Variants in ERG observed in about 807,000 individuals in gnomAD.
The protein encoded by ERG is ETS transcription factor ERG.
A neutral mutation model predicts 55.3 loss-of-function variants in ERG; 9 were observed. That is an observed-to-expected ratio of 0.16 (90% CI 0.10 to 0.28). The LOEUF is 0.28. Ranked by LOEUF, ERG falls within the 10% of genes least tolerant of loss-of-function variation. The probability of loss-of-function intolerance (pLI) is 1.00; values close to 1 mark genes in which losing one functional copy is unlikely to be tolerated. For synonymous variants in ERG, 223 were observed against 237.3 expected (o/e 0.94, Z 0.55); for missense variants, 434 against 631.6 (o/e 0.69, Z 3.35).
chr21:38,430,962 A>AT (rs773428227), intron 2 of ERG, among the ~76,000 whole-genome samples: 5 of 128,444 alleles, frequency 3.9e-5, no homozygotes, highest in Admixed American at 1.5e-4. Context: ...CATGATGGAA[A>AT]TAAAAAAAAC....
At chr21:38,394,830 C>T (rs564581974) in intron 6 of ERG, among the ~76,000 whole-genome samples, 163 of 152,222 alleles carry the variant, frequency 1.1e-3, no homozygotes, top group African/African-American at 3.2e-3. Flanking sequence ...AGATGGATTG[C>T]TTTTACCCAT....
intron 1 of ERG, among the ~76,000 whole-genome samples, chr21:38,592,788 T>C (rs189675782): frequency 3.5e-4 from 54 of 152,326 alleles, no homozygotes; most frequent in African/African-American, 1.2e-3. Flanking sequence ...AGGGTCTCCA[T>C]GAATCATGTC....
intron 3 of ERG, among the ~76,000 whole-genome samples, chr21:38,412,863 T>C (rs1040057417): frequency 1.3e-5 from 2 of 152,202 alleles, no homozygotes; most frequent in Non-Finnish European, 2.9e-5. Flanking sequence ...AGCGGGTCTC[T>C]ATCTGCAGGA....
chr21:38,442,301 G>C (rs867764275), intron 2 of ERG, among the ~76,000 whole-genome samples: 15 of 152,026 alleles, frequency 9.9e-5, no homozygotes, highest in Middle Eastern at 3.4e-3. Context: ...GGCTGAGGCA[G>C]GGGAGTCGCT....
Position 38,380,317 on chromosome 21 carries a change from G to A in ERG, c.*3086C>T. Reference sequence around the variant, plus strand: ...TTGCAGGTGCCACATCTGTGCAGAAGGCTTAGGAGAAGCAGTGAGCCTTCT... The same window carrying A: ...TTGCAGGTGCCACATCTGTGCAGAAAGCTTAGGAGAAGCAGTGAGCCTTCT... On this transcript the variant is annotated 3_prime_UTR_variant, in exon 10 of 10. Transcript: ENST00000288319. The A allele has an allele frequency of 9.5e-7, 1 of 1,056,342 alleles. No homozygotes were observed. The highest frequency in any genetic ancestry group is 1.1e-6 in the Non-Finnish European group (1 of 873,660). The allele number at this position is 1,056,342 out of a possible 1,614,324, so 65.4% of individuals were successfully genotyped here.
chr21:38,569,194 A>C (rs1199649064), intron 2 of ERG, among the ~76,000 whole-genome samples: 1 of 152,078 alleles, frequency 6.6e-6, no homozygotes, highest in Non-Finnish European at 1.5e-5. Context: ...AGTGGGGTAC[A>C]TGGAAGGTTT....
At chr21:38,453,133 A>G (rs997749318) in intron 1 of ERG, among the ~76,000 whole-genome samples, 3 of 152,248 alleles carry the variant, frequency 2.0e-5, no homozygotes. Context: ...GCCATTGGCA[A>G]TATGTCTGCA....
At chr21:38,427,357 G>A (rs537337183) in intron 2 of ERG, among the ~76,000 whole-genome samples, 95 of 152,350 alleles carry the variant, frequency 6.2e-4, no homozygotes, top group Admixed American at 2.3e-3. Context: ...TTACAGGCGT[G>A]AGCCACTTCA....
Position 38,596,056 on chromosome 21 carries a change from T to TA in ERG, c.-149-11112_-149-11111insT, listed in dbSNP as rs1491300215. 1.4e-3 allele frequency among the ~76,000 whole-genome samples: 148 copies of TA among 102,156 alleles called. 3 individuals carry two copies. Among genetic ancestry groups the TA allele is most frequent in the African/African-American group, 3.3e-3 (89 of 26,826 alleles). 67.0% of individuals were successfully genotyped at this position (102,156 alleles called of 152,430 possible). A position where few individuals can be genotyped will look rare whatever the true frequency, so the allele number is the denominator to read the frequency against. ...CTCTATATAAAAATTGGTGTGGGAT[T>TA]GGGGGGGGGGGGTCTCTTTTTATAA... On this transcript the variant is annotated intron_variant, in intron 1 of 10. Transcript: ENST00000398910.
chr21:38,523,740 C>T lies in ERG; in HGVS notation c.-41+51922G>A, dbSNP rs147689529. 6.1e-3 allele frequency among the ~76,000 whole-genome samples: 928 copies of T among 152,306 alleles called. 4 individuals are homozygous for T. The highest frequency in any genetic ancestry group is 9.7e-3 in the Non-Finnish European group (657 of 68,032). On this transcript the variant is annotated intron_variant, in intron 2 of 8. Transcript: ENST00000398897. ...TGAAAACAATCACTAACAGAAAGAA[C>T]CTGGATCTGGTTTCGAAAACATAAT...
intron 2 of ERG, among the ~76,000 whole-genome samples, chr21:38,563,566 G>C (rs1568915447): frequency 6.6e-6 from 1 of 152,206 alleles, no homozygotes; most frequent in Non-Finnish European, 1.5e-5. Context: ...TACCTAGAAA[G>C]GAGAGAAAAT....
Position 38,380,223 on chromosome 21 carries a change from C to G in ERG, c.*3180G>C, listed in dbSNP as rs1395695061. 1 of 1,052,626 alleles carries G rather than the reference C, an allele frequency of 9.5e-7. No individual in the cohort carries two copies. Among genetic ancestry groups the G allele is most frequent in the African/African-American group, 1.7e-5 (1 of 60,308 alleles). The allele number at this position is 1,052,626 out of a possible 1,614,324, so 65.2% of individuals were successfully genotyped here. On this transcript the variant is annotated 3_prime_UTR_variant, in exon 10 of 10. Transcript: ENST00000288319. ...TCCCTGTGCCCCATCACCTTCCCAG[C>G]TCCTGAGCTGTAGCCATCTCTGCTG... is the stretch of plus-strand genomic sequence containing the variant.
chr21:38,442,820 T>G (rs1233539023), intron 2 of ERG, among the ~76,000 whole-genome samples: 1 of 152,198 alleles, frequency 6.6e-6, no homozygotes, highest in Non-Finnish European at 1.5e-5. Context: ...TTATTTTTAT[T>G]TTTTTGAGAT....
chr21:38,615,745 T>C lies in ERG; in HGVS notation c.-149-30800A>G, dbSNP rs118168448. ...AAAGGGTTTTTGAAAAATCATTTGT[T>C]TGGGGAGGAAGCCCTGGTTTGTACT... On this transcript the variant is annotated intron_variant, in intron 1 of 10. Coordinates refer to the ERG transcript ENST00000398910. 3.5e-3 allele frequency among the ~76,000 whole-genome samples: 533 copies of C among 151,762 alleles called. 2 individuals are homozygous for C. The highest frequency in any genetic ancestry group is 6.0e-3 in the Non-Finnish European group (404 of 67,898).
chr21:38,409,407 C>A (rs1045501904), intron 3 of ERG, among the ~76,000 whole-genome samples: 1 of 149,722 alleles, frequency 6.7e-6, no homozygotes, highest in Non-Finnish European at 1.5e-5. Flanking sequence ...TGCTTGAATC[C>A]AGGAGGCAGA....
chr21:38,439,584 A>C (rs1311152667), intron 2 of ERG, among the ~76,000 whole-genome samples: 1 of 152,226 alleles, frequency 6.6e-6, no homozygotes, highest in East Asian at 1.9e-4. Context: ...GGACCACCGA[A>C]GCTGAAAAAT....
At chr21:38,497,933 G>C (rs1033596150) in intron 1 of ERG, among the ~76,000 whole-genome samples, 22 of 152,170 alleles carry the variant, frequency 1.4e-4, no homozygotes, top group African/African-American at 5.3e-4. Context: ...TGGCATCCCT[G>C]ATGCTAAGGA....
intron 3 of ERG, among the ~76,000 whole-genome samples, chr21:38,421,792 G>A (rs2146498331): frequency 6.6e-6 from 1 of 152,306 alleles, no homozygotes; most frequent in East Asian, 1.9e-4. Context: ...CCTGGAGATA[G>A]GGCCTTTGTG....
At chr21:38,499,390 G>A (rs921592434), upstream of ERG, among the ~76,000 whole-genome samples, 2 of 152,192 alleles carry the variant, frequency 1.3e-5, no homozygotes, top group East Asian at 1.9e-4. Flanking sequence ...ATGCAGGCCT[G>A]AACATTCCTT....
Sources: allele counts gnomAD v4.1 joint callset (sites outside exome capture counted in the v4.1 genomes callset), GRCh38; gene constraint gnomAD v4.1.1; transcripts MANE v1.5; gene names NCBI Gene and HGNC (gene_info 2026-07-23, HGNC 2026-07-21).